The following CPEB3 variants were observed in gnomAD, a reference collection of about 807,000 sequenced individuals.
CPEB3 encodes the protein cytoplasmic polyadenylation element-binding protein 3.
A neutral mutation model predicts 67.2 loss-of-function variants in CPEB3; 20 were observed. The observed-to-expected ratio is 0.30, with a 90% CI of 0.21 to 0.43. The LOEUF is 0.43. Ranked by LOEUF, CPEB3 falls within the 20% of genes least tolerant of loss-of-function variation. The pLI is 1.00. For synonymous variants in CPEB3, 376 were observed against 393.1 expected (o/e 0.96, Z 0.51); for missense variants, 746 against 968.6 (o/e 0.77, Z 3.05).
intron 9 of CPEB3, among the ~76,000 whole-genome samples, chr10:92,055,723 T>A (rs1046580482): frequency 1.4e-5 from 2 of 141,766 alleles, no homozygotes; most frequent in African/African-American, 5.2e-5. Flanking sequence ...TAAATGCCAA[T>A]AGATATGACT....
intron 7 of CPEB3, among the ~76,000 whole-genome samples, chr10:92,098,433 C>G (rs1472566481): frequency 6.6e-6 from 1 of 151,936 alleles, no homozygotes; most frequent in Non-Finnish European, 1.5e-5. Context: ...CTCAGCCTCC[C>G]AAGTAGCTGG....
At chr10:92,059,942 C>T (rs1476057101) in intron 9 of CPEB3, among the ~76,000 whole-genome samples, 4 of 129,716 alleles carry the variant, frequency 3.1e-5, no homozygotes, top group Non-Finnish European at 6.3e-5. Context: ...GGCGACAGAG[C>T]GAGACTCCTC....
At chr10:92,075,518 TTAAC>T (rs1289587377) in intron 9 of CPEB3, among the ~76,000 whole-genome samples, 2 of 152,152 alleles carry the variant, frequency 1.3e-5, no homozygotes, top group African/African-American at 4.8e-5. Context: ...ATTGTACACT[TTAAC>T]TGGGTGAATT....
chr10:92,066,333 G>A lies in CPEB3; in HGVS notation c.1870-13894C>T, dbSNP rs562093617. Among the ~76,000 whole-genome samples the A allele has an allele frequency of 3.3e-5, 5 of 152,286 alleles. No homozygotes were observed. In the East Asian group the frequency reaches 9.6e-4, roughly 29 times the overall value. On this transcript the variant is annotated intron_variant, in intron 9 of 9. Transcript: ENST00000265997. ...GCCTGTAATCCCAGCTACTTGGGAG[G>A]CTGATGCACTTGAGCCCAGGAGTTC...
intron 1 of CPEB3, among the ~76,000 whole-genome samples, chr10:92,247,386 T>G (rs116677694): frequency 7.5e-4 from 114 of 151,830 alleles, no homozygotes; most frequent in African/African-American, 2.6e-3. Flanking sequence ...CCTAATTATT[T>G]TATTTTATTT....
chr10:92,182,565 C>T (rs1244862194), intron 3 of CPEB3, among the ~76,000 whole-genome samples: 4 of 152,082 alleles, frequency 2.6e-5, no homozygotes, highest in African/African-American at 4.8e-5. Context: ...GTGGTTCATG[C>T]CTATAATCCC....
At chr10:92,142,790 C>T (rs1020028180) in intron 6 of CPEB3, among the ~76,000 whole-genome samples, 5 of 152,196 alleles carry the variant, frequency 3.3e-5, no homozygotes, top group Non-Finnish European at 7.3e-5. Context: ...GGCTCATCCA[C>T]AACAGACTTC....
At chr10:92,201,702 G>A (rs1003482420) in intron 2 of CPEB3, among the ~76,000 whole-genome samples, 2 of 152,112 alleles carry the variant, frequency 1.3e-5, no homozygotes, top group Non-Finnish European at 2.9e-5. Flanking sequence ...TGATTTATTA[G>A]GTATAACAAT....
chr10:92,099,628 T>G (rs546169928), intron 7 of CPEB3, among the ~76,000 whole-genome samples: 1 of 143,502 alleles, frequency 7.0e-6, no homozygotes, highest in East Asian at 2.2e-4. Context: ...CCAAGGCAGG[T>G]GGATCACCTG....
chr10:92,157,506 C>A (rs1464418539), intron 4 of CPEB3, among the ~76,000 whole-genome samples: 1 of 152,112 alleles, frequency 6.6e-6, no homozygotes, highest in Non-Finnish European at 1.5e-5. Flanking sequence ...GGACTAAAGC[C>A]TATTTTGGGG....
intron 6 of CPEB3, among the ~76,000 whole-genome samples, chr10:92,125,667 A>G (rs1845578636): frequency 6.6e-6 from 1 of 151,818 alleles, no homozygotes; most frequent in Non-Finnish European, 1.5e-5. Context: ...CAAGCTTGTC[A>G]TGTCCATCTT....
chr10:92,264,835 ACT>A (rs759968269), intron 1 of CPEB3, among the ~76,000 whole-genome samples: 2 of 152,082 alleles, frequency 1.3e-5, no homozygotes, highest in Non-Finnish European at 2.9e-5. Context: ...GACGACGATC[ACT>A]GAGACCAGGT....
chr10:92,115,566 G>A (rs1038777474), intron 6 of CPEB3, among the ~76,000 whole-genome samples: 2 of 152,178 alleles, frequency 1.3e-5, no homozygotes, highest in Non-Finnish European at 2.9e-5. Flanking sequence ...GAATGTTGAT[G>A]ACTTTATGTT....
chr10:92,269,508 A>G (rs1853207980), intron 1 of CPEB3, among the ~76,000 whole-genome samples: 1 of 152,096 alleles, frequency 6.6e-6, no homozygotes, highest in Admixed American at 6.6e-5. Context: ...TGGAAAAGTG[A>G]CTCAAGTGTC....
chr10:92,177,852 A>G (rs1205396798), intron 4 of CPEB3, among the ~76,000 whole-genome samples: 2 of 152,170 alleles, frequency 1.3e-5, no homozygotes, highest in African/African-American at 2.4e-5. Context: ...TCTTTAGGAG[A>G]CAGGTTTTGG....
chr10:92,213,057 C>T (rs781584585), intron 2 of CPEB3, among the ~76,000 whole-genome samples: 8 of 152,136 alleles, frequency 5.3e-5, no homozygotes, highest in Non-Finnish European at 1.2e-4. Flanking sequence ...TGCTTAAATT[C>T]CTGCATTCCG....
chr10:92,132,264 G>A (rs1386310989), intron 6 of CPEB3, among the ~76,000 whole-genome samples: 1 of 152,108 alleles, frequency 6.6e-6, no homozygotes, highest in Non-Finnish European at 1.5e-5. Flanking sequence ...GCAAATCGAT[G>A]AGGAAAAAAT....
At chr10:92,094,912 G>A (rs1010154750) in intron 7 of CPEB3, among the ~76,000 whole-genome samples, 5 of 151,954 alleles carry the variant, frequency 3.3e-5, no homozygotes, top group Admixed American at 6.6e-5. Flanking sequence ...AGGCAGCTTC[G>A]GGACCTGGTA....
intron 4 of CPEB3, among the ~76,000 whole-genome samples, chr10:92,166,139 C>G (rs376109972): frequency 6.7e-6 from 1 of 149,090 alleles, no homozygotes; most frequent in African/African-American, 2.5e-5. Context: ...GACAGAGTTT[C>G]ACTCTGTCGC....
Sources: allele counts gnomAD v4.1 joint callset (sites outside exome capture counted in the v4.1 genomes callset), GRCh38; gene constraint gnomAD v4.1.1; transcripts MANE v1.5; gene names NCBI Gene and HGNC (gene_info 2026-07-23, HGNC 2026-07-21).